UGT1A4: variants seen among roughly 807,000 people sequenced by gnomAD.
The protein encoded by UGT1A4 is UDP-glucuronosyltransferase 1A4.
Under a neutral mutation model 41.1 loss-of-function variants are expected in UGT1A4, and 32 were observed. The observed-to-expected ratio is 0.78, with a 90% CI of 0.59 to 1.05. The LOEUF is 1.05. Ranked by LOEUF, UGT1A4 falls within the 50% of genes least tolerant of loss-of-function variation. UGT1A4 has a pLI of 0.00. For missense variants in UGT1A4, 748 were observed against 677.4 expected (o/e 1.10, Z -1.16); for synonymous variants, 283 against 265.1 (o/e 1.07, Z -0.66).
At chr2:233,727,671 A>C (rs2077638679) in intron 1 of UGT1A4, among the ~76,000 whole-genome samples, 2 of 152,110 alleles carry the variant, frequency 1.3e-5, no homozygotes, top group Non-Finnish European at 2.9e-5. Context: ...TGTCCTTACA[A>C]ATTCCCAGGA....
At chr2:233,737,335 G>C (rs558771820) in intron 1 of UGT1A4, among the ~76,000 whole-genome samples, 1 of 152,354 alleles carries the variant, frequency 6.6e-6, no homozygotes, top group African/African-American at 2.4e-5. Context: ...CAGTGAGCAA[G>C]GCTCCGTGGG....
At chr2:233,754,362 T>G in intron 1 of UGT1A4, 1 of 282,658 alleles carries the variant, frequency 3.5e-6, no homozygotes, top group Non-Finnish European at 6.9e-6. Flanking sequence ...TACAGATATT[T>G]ACAATGATCG....
intron 1 of UGT1A4, among the ~76,000 whole-genome samples, chr2:233,720,939 G>T (rs28899186): frequency 0.081 from 11,996 of 147,890 alleles, 613 homozygotes; most frequent in East Asian, 0.2. Context: ...TTGAACTCCT[G>T]ACCTCATGTG....
intron 1 of UGT1A4, among the ~76,000 whole-genome samples, chr2:233,720,605 A>C (rs1246290812): frequency 6.6e-6 from 1 of 152,152 alleles, no homozygotes; most frequent in Non-Finnish European, 1.5e-5. Context: ...TTTCATTAAT[A>C]CAGAATATTT....
chr2:233,739,587 GCCTATAGCC>G (rs1691150074), intron 1 of UGT1A4, among the ~76,000 whole-genome samples: 1 of 152,224 alleles, frequency 6.6e-6, no homozygotes, highest in Non-Finnish European at 1.5e-5. Flanking sequence ...CTTGCATGGG[GCCTATAGCC>G]CCTTTGTTTT....
chr2:233,729,337 G>C (rs775234844), intron 1 of UGT1A4: 11 of 1,614,232 alleles, frequency 6.8e-6, no homozygotes, highest in African/African-American at 5.3e-5. Context: ...GCACATCAAA[G>C]AAGAGAACTT....
At chr2:233,748,101 C>T in intron 1 of UGT1A4, 2 of 1,612,622 alleles carry the variant, frequency 1.2e-6, no homozygotes, top group Non-Finnish European at 1.7e-6. Flanking sequence ...TGCCTTCATC[C>T]AATCAATGTT....
At chr2:233,760,232 C>CTA (rs1697356426) in intron 1 of UGT1A4, 1 of 1,429,076 alleles carries the variant, frequency 7.0e-7, no homozygotes, top group Non-Finnish European at 9.5e-7. Flanking sequence ...TTGGTTTTTG[C>CTA]CATATATATA....
intron 1 of UGT1A4, among the ~76,000 whole-genome samples, chr2:233,749,509 A>G (rs912225239): frequency 2.6e-5 from 4 of 151,940 alleles, no homozygotes; most frequent in African/African-American, 7.3e-5. Context: ...GAATTAGAGA[A>G]CACTAGCAAG....
At chr2:233,768,470 G>T (rs371026350) in intron 4 of UGT1A4, 31 bp downstream of exon 4, 1 of 1,602,728 alleles carries the variant, frequency 6.2e-7, no homozygotes, top group Non-Finnish European at 8.5e-7. Context: ...GAATACTTTG[G>T]TCATGGCATT....
rs376676972 is a variant in UGT1A4, at chr2:233,729,353, C to T, written c.867+9666C>T. On this transcript the variant is annotated intron_variant, in intron 1 of 4. Coordinates refer to ENST00000373409, the MANE Select transcript of UGT1A4 (RefSeq NM_007120.3). ...CACATCAAAGAAGAGAACTTTTTCACCCTGACAACCTATGCCATTTCGTGG... is the reference window on the plus strand; with the variant it reads ...CACATCAAAGAAGAGAACTTTTTCATCCTGACAACCTATGCCATTTCGTGG... 2.5e-5 allele frequency: 40 copies of T among 1,614,044 alleles called. No individual in the cohort carries two copies. The African/African-American group carries it at 5.1e-4, about 20-fold the overall frequency.
rs1700546112 is a variant in UGT1A4 at position 233,772,763 on chromosome 2, C to T, written c.*204C>T. ...TAAAGATATTTGAATATGTATCGTGCCCCCTCTGGTGTCTTTGATCAGGAT... is the reference window on the plus strand; with the variant it reads ...TAAAGATATTTGAATATGTATCGTGTCCCCTCTGGTGTCTTTGATCAGGAT... On this transcript the variant is annotated 3_prime_UTR_variant, in exon 5 of 5. Transcript: ENST00000373409. 1 of 1,384,392 alleles carries T rather than the reference C, an allele frequency of 7.2e-7. No individual in the cohort carries two copies. Among genetic ancestry groups the T allele is most frequent in the South Asian group, 1.5e-5 (1 of 65,502 alleles). The allele number at this position is 1,384,392 out of a possible 1,614,324, so 85.8% of individuals were successfully genotyped here. A position where few individuals can be genotyped will look rare whatever the true frequency, so the allele number is the denominator to read the frequency against.
chr2:233,729,876 T>A, intron 1 of UGT1A4: 1 of 1,597,258 alleles, frequency 6.3e-7, no homozygotes, highest in South Asian at 1.1e-5. Context: ...ATATTCTCAG[T>A]CATGCATCTG....
intron 1 of UGT1A4, chr2:233,755,022 A>C: frequency 7.7e-7 from 1 of 1,305,146 alleles, no homozygotes; most frequent in South Asian, 1.2e-5. Flanking sequence ...GGGGTCCTTG[A>C]AGGGCCTGCC....
intron 1 of UGT1A4, chr2:233,729,857 CAGT>C (rs759461021): frequency 1.9e-6 from 3 of 1,613,876 alleles, no homozygotes; most frequent in Non-Finnish European, 2.5e-6. Flanking sequence ...AGAGAGGTGT[CAGT>C]GGTGGATATT....
Position 233,719,514 on chromosome 2 carries a change from G to A in UGT1A4, c.694G>A (p.Ala232Thr). ...TTGCCATACTTTTTCTGCCCCTTAT[G>A]CAAGTCTTGCCTCTGAGCTTTTTCA... is the stretch of plus-strand genomic sequence containing the variant. Reference protein sequence around the residue: ...YICHTFSAPYASLASELFQRE... With the variant: ...YICHTFSAPYTSLASELFQRE... The change falls in exon 1 of 5, where the codon GCA (alanine) becomes ACA (threonine). Residue 232 changes from alanine (A) to threonine (T), a missense_variant. Ala to Thr is a moderately conservative substitution (Grantham distance 58). Coordinates refer to ENST00000373409, the MANE Select transcript of UGT1A4 (RefSeq NM_007120.3). 6.2e-7 allele frequency: 1 copy of A among 1,613,922 alleles called. No homozygotes were observed. Among genetic ancestry groups the A allele is most frequent in the Non-Finnish European group, 8.5e-7 (1 of 1,179,864 alleles).
intron 1 of UGT1A4, among the ~76,000 whole-genome samples, chr2:233,759,295 C>T (rs939661689): frequency 1.3e-5 from 2 of 152,106 alleles, no homozygotes; most frequent in Non-Finnish European, 2.9e-5. Context: ...GAAGCTGAGC[C>T]CTGAGTGGCT....
rs144721642 is a variant in UGT1A4, at chr2:233,760,960, G to A, written c.868-6074G>A. 13 of 1,614,166 alleles carry A rather than the reference G, an allele frequency of 8.1e-6. No homozygotes were observed. Among genetic ancestry groups the A allele is most frequent in the African/African-American group, 5.3e-5 (4 of 75,032 alleles). On this transcript the variant is annotated intron_variant, in intron 1 of 4. Coordinates refer to ENST00000373409, the MANE Select transcript of UGT1A4 (RefSeq NM_007120.3). The stretch of plus-strand genomic sequence containing the variant: ...CTTTTCACAGAACTTTCTGTGCGAC[G>A]TGGTTTATTCCCCGTATGCAACCCT...
rs766058550 is a variant in UGT1A4, at chr2:233,767,176, T to C, written c.999+11T>C. 2 of 1,614,040 alleles carry C rather than the reference T, an allele frequency of 1.2e-6. No individual in the cohort carries two copies. Among genetic ancestry groups the C allele is most frequent in the Admixed American group, 1.7e-5 (1 of 60,022 alleles). Reference sequence around the variant, plus strand: ...AAAATCCCTCAGACAGTAAGAAGATTCTATACCATGGCCTCATATCTATTT... The same window carrying C: ...AAAATCCCTCAGACAGTAAGAAGATCCTATACCATGGCCTCATATCTATTT... On this transcript the variant is annotated intron_variant, in intron 2 of 4. Coordinates refer to ENST00000373409, the MANE Select transcript of UGT1A4 (RefSeq NM_007120.3).
Sources: allele counts gnomAD v4.1 joint callset (sites outside exome capture counted in the v4.1 genomes callset), GRCh38; gene constraint gnomAD v4.1.1; transcripts MANE v1.5; gene names NCBI Gene and HGNC (gene_info 2026-07-23, HGNC 2026-07-21).